Variants in SYBU observed in about 807,000 individuals in gnomAD.
SYBU encodes the protein GOLSYN A protein.
A neutral mutation model predicts 35.9 loss-of-function variants in SYBU; 21 were observed. The observed-to-expected ratio is 0.58, with a 90% CI of 0.41 to 0.84. The LOEUF is 0.84. Ranked by LOEUF, SYBU falls within the 40% of genes least tolerant of loss-of-function variation. The pLI, the probability that SYBU is intolerant of heterozygous loss-of-function variation, is 0.00. For missense variants in SYBU, 768 were observed against 848.2 expected (o/e 0.91, Z 1.17); for synonymous variants, 319 against 324.3 (o/e 0.98, Z 0.18).
At chr8:109,649,357 T>C (rs1014875210), upstream of SYBU, among the ~76,000 whole-genome samples, 1 of 152,232 alleles carries the variant, frequency 6.6e-6, no homozygotes, top group African/African-American at 2.4e-5. Flanking sequence ...GGTACTTTGA[T>C]GCTGTAAAAC....
chr8:109,616,714 A>G (rs1236152194), intron 3 of SYBU, among the ~76,000 whole-genome samples: 1 of 149,468 alleles, frequency 6.7e-6, no homozygotes, highest in African/African-American at 2.5e-5. Flanking sequence ...TTTTTTTTCA[A>G]TCTATGAAGC....
At chr8:109,632,176 A>G (rs1304247559) in intron 2 of SYBU, among the ~76,000 whole-genome samples, 3 of 152,102 alleles carry the variant, frequency 2.0e-5, no homozygotes, top group Non-Finnish European at 2.9e-5. Context: ...AAGCCTCCTG[A>G]ATAGCTGGAA....
At chr8:109,658,068 T>C (rs1431448233) in intron 1 of SYBU, among the ~76,000 whole-genome samples, 1 of 152,206 alleles carries the variant, frequency 6.6e-6, no homozygotes, top group Non-Finnish European at 1.5e-5. Context: ...AAGTGCACCA[T>C]ACAAAATCCC....
At chr8:109,579,354 G>T (rs745579276) in intron 5 of SYBU, among the ~76,000 whole-genome samples, 1 of 152,152 alleles carries the variant, frequency 6.6e-6, no homozygotes, top group Admixed American at 6.5e-5. Context: ...TCCAGACTGC[G>T]TTGGACACCC....
intron 1 of SYBU, among the ~76,000 whole-genome samples, chr8:109,688,510 A>T (rs1436077093): frequency 6.6e-6 from 1 of 152,256 alleles, no homozygotes; most frequent in Non-Finnish European, 1.5e-5. Context: ...CCAACCCCAA[A>T]GAAAAAACAC....
At chr8:109,579,670 A>G (rs900614977) in intron 5 of SYBU, 129 bp downstream of exon 5, 5 of 847,768 alleles carry the variant, frequency 5.9e-6, no homozygotes, top group Non-Finnish European at 9.2e-6. Context: ...AATGTGGGAA[A>G]GAAAAATGCA....
At chr8:109,667,964 C>G (rs1282692200) in intron 1 of SYBU, among the ~76,000 whole-genome samples, 1 of 152,004 alleles carries the variant, frequency 6.6e-6, no homozygotes, top group African/African-American at 2.4e-5. Flanking sequence ...TTACTGCTTC[C>G]TGGGCAACTC....
chr8:109,664,351 A>C (rs1376610370), intron 1 of SYBU, among the ~76,000 whole-genome samples: 1 of 152,158 alleles, frequency 6.6e-6, no homozygotes, highest in Non-Finnish European at 1.5e-5. Context: ...GTGTTTTTAA[A>C]TGAATAAACA....
intron 2 of SYBU, among the ~76,000 whole-genome samples, chr8:109,624,535 T>G (rs1812771754): frequency 6.6e-6 from 1 of 152,192 alleles, no homozygotes; most frequent in Admixed American, 6.5e-5. Context: ...AGACAAAGTC[T>G]AATGGAGAGT....
intron 2 of SYBU, among the ~76,000 whole-genome samples, chr8:109,628,713 G>A (rs1345710316): frequency 6.6e-6 from 1 of 151,910 alleles, no homozygotes; most frequent in Non-Finnish European, 1.5e-5. Flanking sequence ...TCCCGGCTAT[G>A]CAGGAGCCTG....
intron 4 of SYBU, among the ~76,000 whole-genome samples, chr8:109,583,911 C>A (rs1823323519): frequency 6.6e-6 from 1 of 152,102 alleles, no homozygotes; most frequent in Non-Finnish European, 1.5e-5. Flanking sequence ...CAGGTTCAAG[C>A]AATTCTCCTG....
At chr8:109,660,804 T>C (rs915179259) in intron 1 of SYBU, among the ~76,000 whole-genome samples, 10 of 152,234 alleles carry the variant, frequency 6.6e-5, no homozygotes, top group African/African-American at 2.4e-4. Context: ...CTTTTTTTAC[T>C]TATGACAAAT....
At position 109,679,994 on chromosome 8, in the gene SYBU, A is replaced by G. The variant is rs552528886; in HGVS notation, c.-129+717T>C. Among the ~76,000 whole-genome samples the G allele has an allele frequency of 7.9e-5, 12 of 151,800 alleles. 1 individual carries two copies. The East Asian group carries it at 2.1e-3, about 27-fold the overall frequency. On this transcript the variant is annotated intron_variant, in intron 1 of 5. Coordinates refer to the SYBU transcript ENST00000408889. ...ATACTTGATAGTTTAGCAATAAATA[A>G]TACAACACATTTACTTAAGAGCAGA...
At position 109,584,570 on chromosome 8, in the gene SYBU, C is replaced by T. The variant is rs1823402144; in HGVS notation, c.530+1490G>A. Among the ~76,000 whole-genome samples the T allele has an allele frequency of 6.6e-6, 1 of 152,032 alleles. No individual in the cohort carries two copies. Among genetic ancestry groups the T allele is most frequent in the Admixed American group, 6.6e-5 (1 of 15,246 alleles). The stretch of plus-strand genomic sequence containing the variant: ...ATGTTTACATTCATGTCCTATAATC[C>T]CAGAGGCACTTTATTGCCAAAATGG... On this transcript the variant is annotated intron_variant, in intron 4 of 6. Transcript: ENST00000276646. This position sits in a 1 kb window ranked among gnomAD's most constrained non-coding sequence, Gnocchi z 4.0.
intron 1 of SYBU, among the ~76,000 whole-genome samples, chr8:109,659,923 A>G (rs1204855376): frequency 6.6e-6 from 1 of 152,180 alleles, no homozygotes; most frequent in Non-Finnish European, 1.5e-5. Context: ...ATTATGTGCA[A>G]ATATAAATGT....
chr8:109,642,158 C>G (rs1814956665), intron 2 of SYBU, among the ~76,000 whole-genome samples: 1 of 152,122 alleles, frequency 6.6e-6, no homozygotes, highest in Non-Finnish European at 1.5e-5. Context: ...TTTGCAGGGA[C>G]ATGGATGAAG....
intron 2 of SYBU, among the ~76,000 whole-genome samples, chr8:109,625,277 G>C (rs1295374343): frequency 6.6e-6 from 1 of 152,200 alleles, no homozygotes; most frequent in Non-Finnish European, 1.5e-5. Context: ...ATCTAGATAA[G>C]TGGGTAATAA....
chr8:109,661,939 T>C (rs1273551504), intron 1 of SYBU, among the ~76,000 whole-genome samples: 1 of 152,238 alleles, frequency 6.6e-6, no homozygotes, highest in Non-Finnish European at 1.5e-5. Context: ...ATGCTTACTG[T>C]GGAATTTAGA....
intron 3 of SYBU, among the ~76,000 whole-genome samples, chr8:109,593,454 G>C (rs1824515424): frequency 6.6e-6 from 1 of 152,178 alleles, no homozygotes. Flanking sequence ...GGACTGGAGG[G>C]AAAGACAGAA....
Sources: gnomAD v4.1 joint callset for allele counts (sites outside exome capture counted in the v4.1 genomes callset) on GRCh38, gnomAD v4.1.1 for gene constraint, Gnocchi (gnomAD v3.1) non-coding constraint, MANE v1.5 for transcripts, NCBI Gene and HGNC (gene_info 2026-07-23, HGNC 2026-07-21) for gene names.